The following SNX25 variants were observed in gnomAD, a reference collection of about 807,000 sequenced individuals.
SNX25 encodes the protein sorting nexin-25.
In SNX25, 62 loss-of-function variants were observed where a neutral mutation model predicts 113.7. The observed-to-expected ratio is 0.55, with a 90% confidence interval of 0.44 to 0.67. SNX25 has a LOEUF of 0.67. Ranked by LOEUF, SNX25 falls within the 30% of genes least tolerant of loss-of-function variation. The probability of loss-of-function intolerance (pLI) is 0.00; values close to 1 mark genes in which losing one functional copy is unlikely to be tolerated. For synonymous variants in SNX25, 421 were observed against 436.2 expected, an observed-to-expected ratio of 0.97 and a Z score of 0.43; for missense variants, 1,014 against 1,161.0, an observed-to-expected ratio of 0.87 and a Z score of 1.84.
chr4:185,249,759 A>C (rs552408517), intron 2 of SNX25, among the ~76,000 whole-genome samples: 1 of 151,870 alleles, frequency 6.6e-6, no homozygotes, highest in Non-Finnish European at 1.5e-5. Flanking sequence ...TGTGCTTTTC[A>C]TGTGTAGAAT....
At chr4:185,309,331 G>A (rs1035004507) in intron 6 of SNX25, among the ~76,000 whole-genome samples, 19 of 152,092 alleles carry the variant, frequency 1.2e-4, no homozygotes, top group African/African-American at 3.4e-4. Context: ...CATCACTTTC[G>A]TCATATTCGT....
chr4:185,218,123 C>T (rs3112891), intron 1 of SNX25, among the ~76,000 whole-genome samples: 98,988 of 151,872 alleles, frequency 0.65, 32,354 homozygotes, highest in East Asian at 0.73. Context: ...CTGGCTCTGT[C>T]ACCCAGGCTG....
chr4:185,278,891 T>C (rs757328203), intron 5 of SNX25, among the ~76,000 whole-genome samples: 3 of 152,146 alleles, frequency 2.0e-5, no homozygotes, highest in Non-Finnish European at 2.9e-5. Flanking sequence ...AAAATAGATA[T>C]GGATAGCACA....
chr4:185,288,154 T>G, intron 6 of SNX25, 72 bp downstream of exon 6: 2 of 1,235,630 alleles, frequency 1.6e-6, no homozygotes, highest in South Asian at 2.7e-5. Flanking sequence ...CTCCCACCTG[T>G]CAGATCTTTG....
chr4:185,348,928 G>T lies in SNX25; in HGVS notation c.2301+2278G>T, dbSNP rs559757469. On this transcript the variant is annotated intron_variant, in intron 13 of 18. Coordinates refer to ENST00000652585, the MANE Select transcript of SNX25 (RefSeq NM_001378034.2). ...CCTCTAATATATCAATTTTTTTTCA[G>T]ATTATACAGATGAGTGGGATCATGC... Among the ~76,000 whole-genome samples the T allele has an allele frequency of 1.2e-3, 180 of 145,424 alleles. 2 individuals carry two copies. Among genetic ancestry groups the T allele is most frequent in the African/African-American group, 4.7e-3 (172 of 36,720 alleles).
In SNX25 at chr4:185,209,817, A is replaced by T; in HGVS notation, c.-10A>T. On this transcript the variant is annotated 5_prime_UTR_variant, in exon 1 of 19. Transcript: ENST00000652585. The surrounding 1 kb of genome is among the most constrained non-coding windows in gnomAD (Gnocchi z 5.2). Reference sequence around the variant, plus strand: ...GAGATGTGCCTGTCCTTAGCGGCCCAGGAAGCAGCATGCACCCCGATGCGA... The same window carrying T: ...GAGATGTGCCTGTCCTTAGCGGCCCTGGAAGCAGCATGCACCCCGATGCGA... 1.0e-6 allele frequency: 1 copy of T among 983,490 alleles called. No individual in the cohort carries two copies. Among genetic ancestry groups the T allele is most frequent in the Non-Finnish European group, 1.2e-6 (1 of 829,248 alleles). The allele number at this position is 983,490 out of a possible 1,614,324, so 60.9% of individuals were successfully genotyped here.
At chr4:185,339,666 G>A (rs781527322) in intron 11 of SNX25, among the ~76,000 whole-genome samples, 156 bp downstream of exon 11, 19 of 152,058 alleles carry the variant, frequency 1.2e-4, no homozygotes, top group Non-Finnish European at 1.9e-4. Context: ...TTTTCACTCC[G>A]GTTCACTCAT....
chr4:185,240,629 A>C (rs1367413126), intron 1 of SNX25, among the ~76,000 whole-genome samples: 1 of 110,538 alleles, frequency 9.0e-6, no homozygotes, highest in East Asian at 2.9e-4. Context: ...TCCCGGACGG[A>C]GCGGCTGGCT....
Position 185,305,485 on chromosome 4 carries a change from C to T in SNX25, c.1163-5150C>T, listed in dbSNP as rs1206545648. On this transcript the variant is annotated intron_variant, in intron 6 of 18. Coordinates refer to ENST00000652585, the MANE Select transcript of SNX25 (RefSeq NM_001378034.2). ...TACTATTTCTGGAGTCATGAGTTTG[C>T]ACTTTAAGTTACTTTGCTCTCTGCT... is the stretch of plus-strand genomic sequence containing the variant. Among the ~76,000 whole-genome samples, 3 of 152,284 alleles carry T rather than the reference C, an allele frequency of 2.0e-5. No homozygotes were observed. In the South Asian group the frequency reaches 6.2e-4, roughly 32 times the overall value.
the SNX25 span, among the ~76,000 whole-genome samples, chr4:185,376,443 CTTTTTT>C: frequency 0.064 from 6,821 of 105,806 alleles, 172 homozygotes; most frequent in South Asian, 0.11. Context: ...TGCCCAGCTA[CTTTTTT>C]TTTTTTTTTT....
intron 1 of SNX25, among the ~76,000 whole-genome samples, chr4:185,216,749 G>C (rs898666084): frequency 5.3e-5 from 8 of 151,942 alleles, no homozygotes; most frequent in Admixed American, 5.2e-4. Context: ...TTGAACTCCT[G>C]ACCTCAGATG....
intron 13 of SNX25, among the ~76,000 whole-genome samples, chr4:185,347,501 G>A (rs758592523): frequency 3.6e-4 from 55 of 151,388 alleles, no homozygotes; most frequent in Non-Finnish European, 6.3e-4. Context: ...ACGGAGTTTC[G>A]CTCTTGTTGC....
chr4:185,258,794 T>C (rs766938534), intron 2 of SNX25, 54 bp from the exon 3 acceptor site: 13 of 1,435,872 alleles, frequency 9.1e-6, no homozygotes, highest in Non-Finnish European at 1.3e-5. Flanking sequence ...AAATGCAGTC[T>C]TGGTGTTTGC....
At chr4:185,284,027 A>T (rs190777281) in intron 5 of SNX25, among the ~76,000 whole-genome samples, 1 of 152,316 alleles carries the variant, frequency 6.6e-6, no homozygotes, top group East Asian at 1.9e-4. Context: ...TAAGTGTTAG[A>T]AATGTTGACT....
intron 1 of SNX25, among the ~76,000 whole-genome samples, chr4:185,234,068 C>G (rs998939842): frequency 6.6e-6 from 1 of 152,046 alleles, no homozygotes; most frequent in Non-Finnish European, 1.5e-5. Flanking sequence ...CCGTGTTAGC[C>G]AGGATGGTCT....
intron 1 of SNX25, among the ~76,000 whole-genome samples, chr4:185,234,359 AT>A (rs1451682741): frequency 2.0e-5 from 3 of 152,136 alleles, no homozygotes; most frequent in Admixed American, 1.3e-4. Context: ...AACTATAATC[AT>A]TTTTCGGAAA....
At chr4:185,211,954 T>TA (rs1449418474) in intron 1 of SNX25, among the ~76,000 whole-genome samples, 1 of 152,084 alleles carries the variant, frequency 6.6e-6, no homozygotes, top group Non-Finnish European at 1.5e-5. Flanking sequence ...TCTAGAAAGA[T>TA]TGTTTAGTAG....
At chr4:185,280,577 TGA>T (rs1422979448) in intron 5 of SNX25, among the ~76,000 whole-genome samples, 2 of 152,190 alleles carry the variant, frequency 1.3e-5, no homozygotes, top group Non-Finnish European at 2.9e-5. Flanking sequence ...TGGTGCAGAC[TGA>T]GAAAGTAAAA....
intron 6 of SNX25, among the ~76,000 whole-genome samples, chr4:185,296,937 C>T (rs991626935): frequency 3.3e-5 from 5 of 152,122 alleles, no homozygotes; most frequent in African/African-American, 1.2e-4. Flanking sequence ...TTTCAATGGG[C>T]TTTTTTCAGT....
Sources: allele counts gnomAD v4.1 joint callset (sites outside exome capture counted in the v4.1 genomes callset), GRCh38; gene constraint gnomAD v4.1.1; non-coding constraint Gnocchi (gnomAD v3.1); transcripts MANE v1.5; gene names NCBI Gene and HGNC (gene_info 2026-07-23, HGNC 2026-07-21).